Variants in BCL2L10 observed in about 807,000 individuals in gnomAD.
The protein encoded by BCL2L10 is BCL2 like 10.
BCL2L10 carries 14 observed loss-of-function variants against 11.1 expected under a neutral mutation model. That is an observed-to-expected ratio of 1.26 (90% confidence interval 0.83 to 1.96). BCL2L10 has a LOEUF of 1.96. Among genes scored for constraint, BCL2L10 ranks in the 30% most tolerant of loss-of-function variants. The pLI is 0.00. For missense variants in BCL2L10, 309 were observed against 273.9 expected, an observed-to-expected ratio of 1.13 and a Z score of -0.90; for synonymous variants, 154 against 133.4, an observed-to-expected ratio of 1.15 and a Z score of -1.07.
chr15:52,111,821 C>T (rs910557462), intron 1 of BCL2L10, among the ~76,000 whole-genome samples: 2 of 152,212 alleles, frequency 1.3e-5, no homozygotes, highest in African/African-American at 4.8e-5. Context: ...TCCAAAGGCG[C>T]ATTTAATAGG....
chr15:52,112,744 G>A lies in BCL2L10; in HGVS notation c.-18C>T. On this transcript the variant is annotated 5_prime_UTR_variant, in exon 1 of 2. Coordinates refer to ENST00000260442, the MANE Select transcript of BCL2L10 (RefSeq NM_020396.4). Reference sequence around the variant, plus strand: ...TCAACCATGGTCCGGCCTCTGCTGGGGGGCCGGGCCTTCGCTGGTTTTCTT... The same window carrying A: ...TCAACCATGGTCCGGCCTCTGCTGGAGGGCCGGGCCTTCGCTGGTTTTCTT... 9 of 1,512,842 alleles carry A rather than the reference G, an allele frequency of 5.9e-6. No homozygotes were observed. The highest frequency in any genetic ancestry group is 7.9e-6 in the Non-Finnish European group (9 of 1,137,074). The allele number at this position is 1,512,842 out of a possible 1,614,324, so 93.7% of individuals were successfully genotyped here. A position where few individuals can be genotyped will look rare whatever the true frequency, so the allele number is the denominator to read the frequency against.
At chr15:52,110,378 C>T (rs189263363) in intron 1 of BCL2L10, among the ~76,000 whole-genome samples, 32 of 152,218 alleles carry the variant, frequency 2.1e-4, no homozygotes, top group Middle Eastern at 6.8e-3. Context: ...CAGGCTGTGG[C>T]ATTTTAACTG....
chr15:52,111,124 C>A (rs911496177), intron 1 of BCL2L10, among the ~76,000 whole-genome samples: 3 of 148,100 alleles, frequency 2.0e-5, no homozygotes, highest in Non-Finnish European at 4.5e-5. Context: ...ATCACGAGAT[C>A]AAGAGATCGA....
At chr15:52,110,725 A>G in intron 1 of BCL2L10, among the ~76,000 whole-genome samples, 1 of 152,148 alleles carries the variant, frequency 6.6e-6, no homozygotes, top group Non-Finnish European at 1.5e-5. Context: ...GAGCCACTGC[A>G]CCCAGCCAAG....
chr15:52,109,393 A>C lies in BCL2L10; in HGVS notation c.*455T>G, dbSNP rs1350526072. On this transcript the variant is annotated 3_prime_UTR_variant, in exon 2 of 2. Coordinates refer to ENST00000260442, the MANE Select transcript of BCL2L10 (RefSeq NM_020396.4). ...AGGATTTGGTTTCAAAGAATTCCTT[A>C]TAAGTGATTTTAACATTACATTCTT... The C allele has an allele frequency of 6.5e-6, 1 of 153,052 alleles. No individual in the cohort carries two copies. Among genetic ancestry groups the C allele is most frequent in the Non-Finnish European group, 1.5e-5 (1 of 68,660 alleles). 9.5% of individuals were successfully genotyped at this position (153,052 alleles called of 1,614,324 possible). A position where few individuals can be genotyped will look rare whatever the true frequency, so the allele number is the denominator to read the frequency against.
chr15:52,112,127 C>T (rs2033065138), intron 1 of BCL2L10, 111 bp downstream of exon 1: 4 of 1,391,566 alleles, frequency 2.9e-6, no homozygotes, highest in African/African-American at 1.5e-5. Flanking sequence ...TCTGCTTTCA[C>T]GAAACCTCGT....
rs1412503820 is a variant in BCL2L10, at chr15:52,112,743, G to A, written c.-17C>T. On this transcript the variant is annotated 5_prime_UTR_variant, in exon 1 of 2. Coordinates refer to ENST00000260442, the MANE Select transcript of BCL2L10 (RefSeq NM_020396.4). ...GTCAACCATGGTCCGGCCTCTGCTG[G>A]GGGGCCGGGCCTTCGCTGGTTTTCT... The A allele has an allele frequency of 2.6e-6, 4 of 1,514,510 alleles. No homozygotes were observed. The highest frequency in any genetic ancestry group is 3.5e-6 in the Non-Finnish European group (4 of 1,137,792). 93.8% of individuals were successfully genotyped at this position (1,514,510 alleles called of 1,614,324 possible). A position where few individuals can be genotyped will look rare whatever the true frequency, so the allele number is the denominator to read the frequency against.
chr15:52,111,175 C>A (rs113780915), intron 1 of BCL2L10, among the ~76,000 whole-genome samples: 1 of 71,132 alleles, frequency 1.4e-5, no homozygotes, highest in Non-Finnish European at 2.9e-5. Flanking sequence ...CTACTGAAAA[C>A]ACACACACAC....
At position 52,112,387 on chromosome 15, in the gene BCL2L10, C is replaced by CCAGCGGCCCTCTCTCCAG; in HGVS notation, c.322_339dup (p.Leu108_Leu113dup). 1 of 1,606,530 alleles carries CCAGCGGCCCTCTCTCCAG rather than the reference C, an allele frequency of 6.2e-7. No homozygotes were observed. Among genetic ancestry groups the CCAGCGGCCCTCTCTCCAG allele is most frequent in the Non-Finnish European group, 8.5e-7 (1 of 1,179,480 alleles). ...CCCCACTTCTTCCACCGGGCGGTCA[C>CCAGCGGCCCTCTCTCCAG]CAGCGGCCCTCTCTCCAGCAGCGTC... On this transcript the variant is annotated inframe_insertion, in exon 1 of 2. Coordinates refer to ENST00000260442, the MANE Select transcript of BCL2L10 (RefSeq NM_020396.4).
intron 1 of BCL2L10, among the ~76,000 whole-genome samples, chr15:52,110,885 G>C (rs1446973856): frequency 1.3e-5 from 2 of 152,172 alleles, no homozygotes; most frequent in Non-Finnish European, 2.9e-5. Flanking sequence ...TATTGAGACA[G>C]GGCTCAGGTG....
At chr15:52,111,222 A>C (rs1014164112) in intron 1 of BCL2L10, among the ~76,000 whole-genome samples, 3 of 150,174 alleles carry the variant, frequency 2.0e-5, no homozygotes, top group Non-Finnish European at 4.4e-5. Flanking sequence ...ACACACAGTT[A>C]GCCAGGCTTG....
In BCL2L10 at chr15:52,109,835, A is replaced by T. The variant is rs767106587; in HGVS notation, c.*13T>A. On this transcript the variant is annotated 3_prime_UTR_variant, in exon 2 of 2. Coordinates refer to ENST00000260442, the MANE Select transcript of BCL2L10 (RefSeq NM_020396.4). ...CAGTTGGGCAGGTAGAAGCGGGTTA[A>T]AAGTTTTAAAACTCATAATAATCGT... 7 of 1,613,450 alleles carry T rather than the reference A, an allele frequency of 4.3e-6. No homozygotes were observed. The East Asian group carries it at 1.6e-4, about 36-fold the overall frequency.
rs2033082200 is a variant in BCL2L10 at position 52,112,650 on chromosome 15, T to C, written c.77A>G (p.Tyr26Cys). The change falls in exon 1 of 2, where the codon TAC becomes TGC. Residue 26 changes from tyrosine (Y) to cysteine (C), a missense_variant. Physicochemically the swap from Tyr to Cys is radical, Grantham distance 194. Coordinates refer to ENST00000260442, the MANE Select transcript of BCL2L10 (RefSeq NM_020396.4). ...GGGTTCCCGGGCGCAGTACCCCAGG[T>C]AGTCGGCCAGCAACAGCTCGGTGCG... ...RERTELLLADYLGYCAREPGT... is the reference protein window; with the variant it reads ...RERTELLLADCLGYCAREPGT... 1 of 1,557,486 alleles carries C rather than the reference T, an allele frequency of 6.4e-7. No homozygotes were observed. Among genetic ancestry groups the C allele is most frequent in the African/African-American group, 1.4e-5 (1 of 73,538 alleles).
At chr15:52,111,965 G>A (rs1025809848) in intron 1 of BCL2L10, among the ~76,000 whole-genome samples, 1 of 152,238 alleles carries the variant, frequency 6.6e-6, no homozygotes, top group Non-Finnish European at 1.5e-5. Context: ...TAAGGCCAGG[G>A]CAAGGTCCAA....
In BCL2L10 at chr15:52,112,514, G is replaced by T; in HGVS notation, c.213C>A (p.Pro71=). 1 of 1,596,936 alleles carries T rather than the reference G, an allele frequency of 6.3e-7. No homozygotes were observed. The change falls in exon 1 of 2, where the codon CCC becomes CCA. Residue 71 remains proline (P), a synonymous_variant. Transcript: ENST00000260442. ...RSFFSAYLGY[P]GNRFELVALM... is the part of the protein sequence containing the mutation. ...GCGCCACCAGCTCGAAGCGGTTCCC[G>T]GGGTAGCCGAGGTAGGCGGAGAAAA...
At position 52,109,673 on chromosome 15, in the gene BCL2L10, G is replaced by A; in HGVS notation, c.*175C>T. On this transcript the variant is annotated 3_prime_UTR_variant, in exon 2 of 2. Coordinates refer to ENST00000260442, the MANE Select transcript of BCL2L10 (RefSeq NM_020396.4). ...TTTGCATTCTTGTCCTCACACCTGA[G>A]TACTTGTCACAAGTTAAAACACTGG... The A allele has an allele frequency of 2.5e-6, 2 of 800,146 alleles. No individual in the cohort carries two copies. The highest frequency in any genetic ancestry group is 3.9e-6 in the Non-Finnish European group (2 of 517,730). 49.6% of individuals were successfully genotyped at this position (800,146 alleles called of 1,614,324 possible).
Position 52,110,029 on chromosome 15 carries a change from A to G in BCL2L10, c.490-56T>C. 2.7e-6 allele frequency: 4 copies of G among 1,496,576 alleles called. 1 individual carries two copies. Among genetic ancestry groups the G allele is most frequent in the Middle Eastern group, 4.0e-4 (2 of 5,042 alleles). The allele number at this position is 1,496,576 out of a possible 1,614,324, so 92.7% of individuals were successfully genotyped here. ...CCTCATGATGCTGAGAACCTCACTC[A>G]AAACACGCAGGAACTTCCAGATTAA... On this transcript the variant is annotated intron_variant, in intron 1 of 1. Coordinates refer to ENST00000260442, the MANE Select transcript of BCL2L10 (RefSeq NM_020396.4).
At position 52,111,881 on chromosome 15, in the gene BCL2L10, C is replaced by T. The variant is rs2033061694; in HGVS notation, c.489+357G>A. Among the ~76,000 whole-genome samples, 5 of 152,318 alleles carry T rather than the reference C, an allele frequency of 3.3e-5. No individual in the cohort carries two copies. In the South Asian group the frequency reaches 1.0e-3, roughly 32 times the overall value. On this transcript the variant is annotated intron_variant, in intron 1 of 1. Coordinates refer to ENST00000260442, the MANE Select transcript of BCL2L10 (RefSeq NM_020396.4). ...GCTGGGGCCCCGCCATTGCTGACTT[C>T]ATTGGTTGGGGATTTCTATAGGAGC... is the stretch of plus-strand genomic sequence containing the variant.
At chr15:52,111,287 G>A (rs77659542) in intron 1 of BCL2L10, among the ~76,000 whole-genome samples, 259 of 151,644 alleles carry the variant, frequency 1.7e-3, no homozygotes, top group African/African-American at 6.2e-3. Context: ...GAGAATCCTT[G>A]AACCCGGGAG....
Sources: gnomAD v4.1 joint callset for allele counts (sites outside exome capture counted in the v4.1 genomes callset) on GRCh38, gnomAD v4.1.1 for gene constraint, MANE v1.5 for transcripts, NCBI Gene and HGNC (gene_info 2026-07-23, HGNC 2026-07-21) for gene names.